The following PPP3CA variants were observed in gnomAD, a reference collection of about 807,000 sequenced individuals.
PPP3CA encodes protein phosphatase 3 catalytic subunit alpha.
In PPP3CA, 14 loss-of-function variants were observed where a neutral mutation model predicts 66.5. The ratio of observed to expected loss-of-function variants is 0.21; its 90% CI spans 0.14 to 0.33. PPP3CA has a LOEUF of 0.33. Among genes scored for constraint, PPP3CA ranks in the 10% least tolerant of loss-of-function variants. The pLI is 1.00. For synonymous variants in PPP3CA, 232 were observed against 226.2 expected, an observed-to-expected ratio of 1.03 and a Z score of -0.23; for missense variants, 317 against 639.5, an observed-to-expected ratio of 0.50 and a Z score of 5.44.
intron 1 of PPP3CA, among the ~76,000 whole-genome samples, chr4:101,230,481 C>T (rs527267244): frequency 4.0e-5 from 6 of 151,506 alleles, no homozygotes; most frequent in South Asian, 2.1e-4. Context: ...ATAACACCAC[C>T]GCTCTTCAGC....
chr4:101,032,196 T>C, intron 12 of PPP3CA, 71 bp downstream of exon 12: 3 of 1,177,792 alleles, frequency 2.5e-6, no homozygotes, highest in Non-Finnish European at 3.4e-6. Flanking sequence ...AATGAATGAA[T>C]AAATCAGGGC....
chr4:101,159,811 C>G (rs982488357), intron 2 of PPP3CA, among the ~76,000 whole-genome samples: 2 of 152,070 alleles, frequency 1.3e-5, no homozygotes, highest in Admixed American at 6.6e-5. Flanking sequence ...AGGGCTGATT[C>G]TAAAATAGGT....
At chr4:101,177,363 A>G (rs1206935535) in intron 2 of PPP3CA, among the ~76,000 whole-genome samples, 1 of 152,160 alleles carries the variant, frequency 6.6e-6, no homozygotes, top group Non-Finnish European at 1.5e-5. Context: ...ATCACCTAGA[A>G]TAACCTCTTC....
At chr4:101,230,326 T>A (rs556553778) in intron 1 of PPP3CA, among the ~76,000 whole-genome samples, 19 of 151,280 alleles carry the variant, frequency 1.3e-4, no homozygotes, top group Non-Finnish European at 2.4e-4. Flanking sequence ...TTCACAGACT[T>A]TATATCATTA....
chr4:101,269,553 C>CGTGT (rs55721209), intron 1 of PPP3CA, among the ~76,000 whole-genome samples: 14,736 of 135,614 alleles, frequency 0.11, 864 homozygotes, highest in Middle Eastern at 0.13. Flanking sequence ...AAACAAGGAA[C>CGTGT]GTGTGTGTGT....
Position 101,346,972 on chromosome 4 carries a change from T to G in PPP3CA, c.-176A>C. ...TTAAAGTTGCTGCCTTTTCCGCGCG[T>G]CCCTCCTCCGCCGCCGCCGCCTTCA... is the stretch of plus-strand genomic sequence containing the variant. On this transcript the variant is annotated 5_prime_UTR_variant, in exon 1 of 14. Transcript: ENST00000394854. 23 of 662,222 alleles carry G rather than the reference T, an allele frequency of 3.5e-5. No individual in the cohort carries two copies. The highest frequency in any genetic ancestry group is 5.0e-5 in the Non-Finnish European group (20 of 396,700). 41.0% of individuals were successfully genotyped at this position (662,222 alleles called of 1,614,324 possible).
At chr4:101,136,062 TG>T (rs1722610713) in intron 2 of PPP3CA, among the ~76,000 whole-genome samples, 1 of 152,258 alleles carries the variant, frequency 6.6e-6, no homozygotes. Context: ...AATATACCAC[TG>T]ATTATAAGAC....
chr4:101,032,842 G>GAATT (rs1186852978), intron 11 of PPP3CA, among the ~76,000 whole-genome samples: 1 of 152,136 alleles, frequency 6.6e-6, no homozygotes, highest in Non-Finnish European at 1.5e-5. Flanking sequence ...AGGGAATCAG[G>GAATT]AATTACATTC....
At chr4:101,289,870 ATGTG>A (rs72004461) in intron 1 of PPP3CA, among the ~76,000 whole-genome samples, 9,979 of 141,694 alleles carry the variant, frequency 0.07, 550 homozygotes, top group African/African-American at 0.16. Flanking sequence ...ATGTCCGTGT[ATGTG>A]TGTGTGTGTG....
intron 1 of PPP3CA, among the ~76,000 whole-genome samples, chr4:101,292,619 G>GT: frequency 2.0e-5 from 3 of 152,196 alleles, no homozygotes; most frequent in Admixed American, 6.5e-5. Context: ...ATTGAAGAGA[G>GT]ATTTTCTATT....
chr4:101,098,285 T>A (rs1730288202), intron 5 of PPP3CA, 82 bp downstream of exon 5: 1 of 1,379,558 alleles, frequency 7.2e-7, no homozygotes, highest in East Asian at 2.6e-5. Flanking sequence ...ATAAAGTCAG[T>A]GATAAAGGCA....
At chr4:101,321,166 C>G (rs1270995753) in intron 1 of PPP3CA, among the ~76,000 whole-genome samples, 1 of 152,150 alleles carries the variant, frequency 6.6e-6, no homozygotes, top group Non-Finnish European at 1.5e-5. Flanking sequence ...ACTGTGATTC[C>G]ATTTTCTCAC....
intron 1 of PPP3CA, among the ~76,000 whole-genome samples, chr4:101,291,512 A>G (rs961396927): frequency 6.6e-6 from 1 of 152,166 alleles, no homozygotes; most frequent in Non-Finnish European, 1.5e-5. Context: ...GTCCACATCC[A>G]TATCTCCATT....
intron 1 of PPP3CA, among the ~76,000 whole-genome samples, chr4:101,338,860 T>C (rs1729719458): frequency 6.6e-6 from 1 of 152,188 alleles, no homozygotes; most frequent in Admixed American, 6.5e-5. Context: ...AAAATCAAAT[T>C]CCTTTGTAAA....
intron 1 of PPP3CA, among the ~76,000 whole-genome samples, chr4:101,241,663 A>C (rs936350358): frequency 5.9e-5 from 9 of 152,196 alleles, no homozygotes; most frequent in African/African-American, 2.2e-4. Context: ...CCTGAGATAG[A>C]ATGTATTATT....
chr4:101,094,278 A>G (rs920456528), intron 5 of PPP3CA, among the ~76,000 whole-genome samples: 16 of 151,980 alleles, frequency 1.1e-4, no homozygotes, highest in African/African-American at 3.1e-4. Context: ...TTTTTTCATG[A>G]CCAGTTATTA....
At chr4:101,293,357 G>A (rs1424031932) in intron 1 of PPP3CA, among the ~76,000 whole-genome samples, 2 of 152,162 alleles carry the variant, frequency 1.3e-5, no homozygotes, top group Non-Finnish European at 2.9e-5. Context: ...GGCCAGGACA[G>A]GGAATAAGAC....
chr4:101,303,486 A>C (rs918032711), intron 1 of PPP3CA, among the ~76,000 whole-genome samples: 1 of 152,194 alleles, frequency 6.6e-6, no homozygotes, highest in African/African-American at 2.4e-5. Flanking sequence ...AATATCATGT[A>C]CATTTTCCCA....
At chr4:101,229,621 G>GA (rs946143933) in intron 1 of PPP3CA, among the ~76,000 whole-genome samples, 42 of 147,290 alleles carry the variant, frequency 2.9e-4, no homozygotes, top group East Asian at 2.2e-3. Context: ...GGTATTGGGT[G>GA]AAAAAAAAAA....
Sources: gnomAD v4.1 joint callset for allele counts (sites outside exome capture counted in the v4.1 genomes callset) on GRCh38, gnomAD v4.1.1 for gene constraint, MANE v1.5 for transcripts, NCBI Gene and HGNC (gene_info 2026-07-23, HGNC 2026-07-21) for gene names.